The following GRK3 variants were observed in gnomAD, a reference collection of about 807,000 sequenced individuals.
GRK3 encodes adrenergic, beta, receptor kinase 2.
In GRK3, 54 loss-of-function variants were observed where a neutral mutation model predicts 95.7. That is an observed-to-expected ratio of 0.56 (90% CI 0.45 to 0.71). The LOEUF (loss-of-function observed/expected upper bound fraction) is 0.71. Among genes scored for constraint, GRK3 ranks in the 30% least tolerant of loss-of-function variants. The pLI is 0.00. For synonymous variants in GRK3, 281 were observed against 290.8 expected, an observed-to-expected ratio of 0.97 and a Z score of 0.34; for missense variants, 649 against 851.2, an observed-to-expected ratio of 0.76 and a Z score of 2.96.
chr22:25,574,162 AT>A (rs542947094), intron 1 of GRK3, among the ~76,000 whole-genome samples: 38 of 152,058 alleles, frequency 2.5e-4, no homozygotes, highest in African/African-American at 8.0e-4. Context: ...ATTTCTTGTA[AT>A]TTTTTTTGTA....
At chr22:25,603,753 C>T (rs2084425001) in intron 1 of GRK3, among the ~76,000 whole-genome samples, 1 of 152,128 alleles carries the variant, frequency 6.6e-6, no homozygotes, top group East Asian at 1.9e-4. Flanking sequence ...GGTATATCTT[C>T]CTATTTATTT....
At chr22:25,719,766 G>A (rs907748623) in intron 19 of GRK3, among the ~76,000 whole-genome samples, 2 of 151,986 alleles carry the variant, frequency 1.3e-5, no homozygotes, top group African/African-American at 4.8e-5. Flanking sequence ...CATTGTTTAT[G>A]TGTTGGATAT....
intron 3 of GRK3, among the ~76,000 whole-genome samples, chr22:25,655,298 A>G (rs939834240): frequency 3.9e-5 from 6 of 152,098 alleles, no homozygotes; most frequent in African/African-American, 1.2e-4. Flanking sequence ...ACCTTCTTAC[A>G]TAGAATGTCT....
chr22:25,636,189 A>C (rs2084699974), intron 2 of GRK3, among the ~76,000 whole-genome samples: 1 of 152,136 alleles, frequency 6.6e-6, no homozygotes, highest in Admixed American at 6.6e-5. Context: ...TTCTCTAAGG[A>C]GCTCTAGTTG....
chr22:25,694,823 G>C (rs2085194063), intron 12 of GRK3, among the ~76,000 whole-genome samples: 1 of 152,210 alleles, frequency 6.6e-6, no homozygotes, highest in African/African-American at 2.4e-5. Flanking sequence ...GAGAACCTTT[G>C]CTCTTCATAG....
intron 6 of GRK3, among the ~76,000 whole-genome samples, chr22:25,671,733 G>A (rs80032334): frequency 0.016 from 2,400 of 152,298 alleles, 30 homozygotes; most frequent in Middle Eastern, 0.065. Flanking sequence ...CCTGGCACAT[G>A]GCTACTCTTA....
chr22:25,716,730 A>C (rs1271953289), intron 18 of GRK3, among the ~76,000 whole-genome samples: 1 of 152,216 alleles, frequency 6.6e-6, no homozygotes, highest in Non-Finnish European at 1.5e-5. Flanking sequence ...ATAACAATAC[A>C]ACAATAAAAA....
At chr22:25,622,046 T>G (rs1489680434) in intron 2 of GRK3, among the ~76,000 whole-genome samples, 1 of 152,170 alleles carries the variant, frequency 6.6e-6, no homozygotes, top group Non-Finnish European at 1.5e-5. Context: ...TTTTTTTCTT[T>G]AAACCCCTCC....
In GRK3 at chr22:25,674,720, C is replaced by T. The variant is rs182151091; in HGVS notation, c.647+192C>T. On this transcript the variant is annotated intron_variant, in intron 8 of 20. Transcript: ENST00000324198. The stretch of plus-strand genomic sequence containing the variant: ...ACCCCAGCACTTTTGGAGGCAGAGG[C>T]GGGTGGATCACGAGGTCAGGAGATC... 3.5e-4 allele frequency among the ~76,000 whole-genome samples: 53 copies of T among 152,214 alleles called. No homozygotes were observed. Among genetic ancestry groups the T allele is most frequent in the Middle Eastern group, 6.8e-3 (2 of 294 alleles).
intron 9 of GRK3, among the ~76,000 whole-genome samples, chr22:25,680,365 A>G (rs1266985827): frequency 6.6e-6 from 1 of 152,222 alleles, no homozygotes; most frequent in Non-Finnish European, 1.5e-5. Flanking sequence ...TTTAATTTCT[A>G]TTGGAAATGT....
At chr22:25,677,260 C>T (rs1194543103) in intron 8 of GRK3, among the ~76,000 whole-genome samples, 1 of 151,196 alleles carries the variant, frequency 6.6e-6, no homozygotes, top group South Asian at 2.1e-4. Context: ...AGCTATGCTC[C>T]AGCTACTCTG....
intron 1 of GRK3, among the ~76,000 whole-genome samples, chr22:25,599,722 C>T (rs949913449): frequency 1.3e-5 from 2 of 151,848 alleles, no homozygotes; most frequent in African/African-American, 4.8e-5. Flanking sequence ...TTTGAATAGC[C>T]AGTTCACTAC....
chr22:25,704,799 A>G (rs944525605), intron 15 of GRK3, among the ~76,000 whole-genome samples: 6 of 152,200 alleles, frequency 3.9e-5, no homozygotes, highest in Admixed American at 3.3e-4. Context: ...TGATGGTTGT[A>G]TTTGTGATTG....
At chr22:25,677,206 A>AT (rs1385676636) in intron 8 of GRK3, among the ~76,000 whole-genome samples, 5 of 151,948 alleles carry the variant, frequency 3.3e-5, no homozygotes, top group African/African-American at 1.2e-4. Context: ...TAAAAATAAT[A>AT]TTTTTTAAAT....
intron 19 of GRK3, among the ~76,000 whole-genome samples, chr22:25,720,625 C>T (rs926664555): frequency 1.3e-5 from 2 of 151,716 alleles, no homozygotes; most frequent in South Asian, 2.1e-4. Context: ...TACAGGAGCC[C>T]GCTACCACGC....
intron 3 of GRK3, among the ~76,000 whole-genome samples, chr22:25,660,193 G>T (rs777106379): frequency 1.2e-4 from 18 of 152,170 alleles, no homozygotes; most frequent in Non-Finnish European, 2.1e-4. Context: ...TCGGATTTTG[G>T]TATCTGGCTT....
intron 1 of GRK3, among the ~76,000 whole-genome samples, chr22:25,565,658 GT>G (rs1931451516): frequency 6.6e-6 from 1 of 152,178 alleles, no homozygotes; most frequent in African/African-American, 2.4e-5. Flanking sequence ...CTGCAGGCTT[GT>G]TGCTTATTGT....
chr22:25,694,521 T>C (rs1184360141), intron 12 of GRK3, among the ~76,000 whole-genome samples: 1 of 152,252 alleles, frequency 6.6e-6, no homozygotes, highest in African/African-American at 2.4e-5. Context: ...CTTTTGACCT[T>C]CTGCAGCTTT....
chr22:25,637,143 A>C (rs948812072), intron 2 of GRK3, among the ~76,000 whole-genome samples: 11 of 152,080 alleles, frequency 7.2e-5, no homozygotes, highest in Non-Finnish European at 1.2e-4. Flanking sequence ...TTGGAGCTCC[A>C]GTTTCTCAGG....
Sources: allele counts gnomAD v4.1 joint callset (sites outside exome capture counted in the v4.1 genomes callset), GRCh38; gene constraint gnomAD v4.1.1; transcripts MANE v1.5; gene names NCBI Gene and HGNC (gene_info 2026-07-23, HGNC 2026-07-21).